ARNT2: variants seen among roughly 807,000 people sequenced by gnomAD.
ARNT2 encodes the protein ARNT protein 2.
Under a neutral mutation model 91.7 loss-of-function variants are expected in ARNT2, and 36 were observed. The observed-to-expected ratio is 0.39, with a 90% CI of 0.30 to 0.52. The LOEUF is 0.52. ARNT2 is among the 20% of genes least tolerant of loss of function. The probability of loss-of-function intolerance (pLI) is 0.72; values close to 1 mark genes in which losing one functional copy is unlikely to be tolerated. For missense variants in ARNT2, 775 were observed against 939.3 expected, an observed-to-expected ratio of 0.83 and a Z score of 2.29; for synonymous variants, 365 against 347.1, an observed-to-expected ratio of 1.05 and a Z score of -0.57.
At chr15:80,538,768 A>C (rs577897516) in intron 8 of ARNT2, among the ~76,000 whole-genome samples, 33 of 152,274 alleles carry the variant, frequency 2.2e-4, no homozygotes, top group Middle Eastern at 3.4e-3. Flanking sequence ...TAAATTAGAA[A>C]ACCAAAGTAT....
At chr15:80,407,223 C>T (rs975425032) in intron 1 of ARNT2, among the ~76,000 whole-genome samples, 2 of 152,196 alleles carry the variant, frequency 1.3e-5, no homozygotes, top group African/African-American at 4.8e-5. Flanking sequence ...GTCACCTCCC[C>T]ACGCCCCCAC....
chr15:80,592,157 C>T (rs922868006), intron 18 of ARNT2, among the ~76,000 whole-genome samples: 6 of 152,180 alleles, frequency 3.9e-5, no homozygotes, highest in African/African-American at 1.4e-4. Context: ...GCTCTGCTCT[C>T]CTCTGTGGTT....
intron 1 of ARNT2, among the ~76,000 whole-genome samples, chr15:80,429,611 T>C (rs752627303): frequency 7.2e-5 from 11 of 151,838 alleles, no homozygotes; most frequent in Non-Finnish European, 1.6e-4. Flanking sequence ...AGAAGGGGAG[T>C]TGTGGGAACT....
At chr15:80,465,860 ACT>A (rs1286892092) in intron 3 of ARNT2, among the ~76,000 whole-genome samples, 1 of 152,018 alleles carries the variant, frequency 6.6e-6, no homozygotes, top group South Asian at 2.1e-4. Flanking sequence ...CCCATCGCAC[ACT>A]CTCAGCATCC....
At chr15:80,593,110 G>C (rs1893310063) in intron 18 of ARNT2, among the ~76,000 whole-genome samples, 1 of 152,244 alleles carries the variant, frequency 6.6e-6, no homozygotes, top group Admixed American at 6.5e-5. Context: ...AGGCCCAGAG[G>C]ACTGGAAAGA....
chr15:80,572,178 A>G (rs936250887), intron 12 of ARNT2, among the ~76,000 whole-genome samples: 11 of 151,554 alleles, frequency 7.3e-5, no homozygotes, highest in African/African-American at 2.7e-4. Context: ...GTGAGTTAGG[A>G]TGAATGCAGG....
intron 8 of ARNT2, among the ~76,000 whole-genome samples, chr15:80,514,759 G>A (rs1379670960): frequency 2.0e-5 from 3 of 152,252 alleles, no homozygotes; most frequent in Non-Finnish European, 2.9e-5. Context: ...GGTGGCGGGC[G>A]CCTGTCGTCC....
intron 3 of ARNT2, among the ~76,000 whole-genome samples, chr15:80,462,049 T>G (rs1359961570): frequency 6.6e-6 from 1 of 152,148 alleles, no homozygotes; most frequent in African/African-American, 2.4e-5. Flanking sequence ...CCCTCCCTGG[T>G]TCCTGTGCCT....
intron 1 of ARNT2, among the ~76,000 whole-genome samples, chr15:80,433,252 A>ATTTTATTTTAT (rs780453388): frequency 0.25 from 17,092 of 67,798 alleles, 1,551 homozygotes; most frequent in East Asian, 0.35. Flanking sequence ...ATTTTATTTT[A>ATTTTATTTTAT]TTTTATTTTA....
chr15:80,452,853 T>C (rs945635226), intron 2 of ARNT2, among the ~76,000 whole-genome samples: 4 of 152,318 alleles, frequency 2.6e-5, no homozygotes, highest in African/African-American at 7.2e-5. Flanking sequence ...TCGGCCTCCA[T>C]GTTTCTGACC....
At chr15:80,468,124 CAG>C (rs1455321858) in intron 3 of ARNT2, among the ~76,000 whole-genome samples, 1 of 152,140 alleles carries the variant, frequency 6.6e-6, no homozygotes, top group African/African-American at 2.4e-5. Context: ...CCTTCCCTAC[CAG>C]AGTGGCTGTG....
At chr15:80,575,580 G>T (rs1271274490) in intron 14 of ARNT2, among the ~76,000 whole-genome samples, 1 of 152,230 alleles carries the variant, frequency 6.6e-6, no homozygotes. Flanking sequence ...TAAACAGCCA[G>T]CTGGGTCTTG....
intron 8 of ARNT2, among the ~76,000 whole-genome samples, chr15:80,545,552 C>G (rs1210405018): frequency 6.6e-6 from 1 of 152,180 alleles, no homozygotes. Context: ...GATTGGAGAG[C>G]TAACTGAAGT....
chr15:80,434,532 C>T (rs943135863), intron 1 of ARNT2: 2 of 152,368 alleles, frequency 1.3e-5, no homozygotes, highest in African/African-American at 4.8e-5. Flanking sequence ...GGAAAGAAAG[C>T]ATTTGTGTGA....
At chr15:80,552,857 C>A in intron 10 of ARNT2, 83 bp downstream of exon 10, 2 of 1,507,216 alleles carry the variant, frequency 1.3e-6, no homozygotes, top group African/African-American at 2.7e-5. Flanking sequence ...TGAGATACAA[C>A]ACAATGGCCA....
At chr15:80,441,707 C>A (rs551534304) in intron 1 of ARNT2, among the ~76,000 whole-genome samples, 1 of 152,148 alleles carries the variant, frequency 6.6e-6, no homozygotes, top group Non-Finnish European at 1.5e-5. Flanking sequence ...TCAAGTTCCA[C>A]GTTTTTTCCA....
intron 12 of ARNT2, among the ~76,000 whole-genome samples, chr15:80,565,518 CTGTTTT>C (rs1287154157): frequency 1.3e-5 from 2 of 149,182 alleles, no homozygotes; most frequent in Non-Finnish European, 3.0e-5. Context: ...TTGCCAGCAT[CTGTTTT>C]TGTTTTTGTT....
At chr15:80,485,045 GT>G (rs747953152) in intron 5 of ARNT2, among the ~76,000 whole-genome samples, 1 of 152,236 alleles carries the variant, frequency 6.6e-6, no homozygotes, top group African/African-American at 2.4e-5. Flanking sequence ...TAATGATAGT[GT>G]TTGGGAATTG....
intron 5 of ARNT2, among the ~76,000 whole-genome samples, chr15:80,482,248 A>G (rs1363351983): frequency 6.6e-6 from 1 of 152,170 alleles, no homozygotes; most frequent in Non-Finnish European, 1.5e-5. Context: ...ATTTCAGTGG[A>G]TATCAACCCT....
Sources: gnomAD v4.1 joint callset for allele counts (sites outside exome capture counted in the v4.1 genomes callset) on GRCh38, gnomAD v4.1.1 for gene constraint, MANE v1.5 for transcripts, NCBI Gene and HGNC (gene_info 2026-07-23, HGNC 2026-07-21) for gene names.